PPP1R3E: variants seen among roughly 807,000 people sequenced by gnomAD.
The protein encoded by PPP1R3E is protein phosphatase 1 regulatory subunit 3E.
In PPP1R3E, 20 loss-of-function variants were observed where a neutral mutation model predicts 18.5. That is an observed-to-expected ratio of 1.08 (90% CI 0.76 to 1.58). The LOEUF (loss-of-function observed/expected upper bound fraction) is 1.58, where lower values mean the gene tolerates loss of function less well. Among genes scored for constraint, PPP1R3E ranks in the 40% most tolerant of loss-of-function variants. The pLI is 0.00. For synonymous variants in PPP1R3E, 208 were observed against 208.1 expected, an observed-to-expected ratio of 1.00 and a Z score of 0.00; for missense variants, 498 against 460.2, an observed-to-expected ratio of 1.08 and a Z score of -0.75.
intron 1 of PPP1R3E, 70 bp from the exon 2 acceptor site, chr14:23,301,928 G>A: frequency 7.3e-7 from 1 of 1,367,966 alleles, no homozygotes; most frequent in South Asian, 1.6e-5. Context: ...GGCGGTGTCA[G>A]AGCAAGGCAC....
chr14:23,301,814 G>T lies in PPP1R3E; in HGVS notation c.462C>A (p.Ala154=). The change falls in exon 2 of 5, where the codon GCC becomes GCA. Residue 154 remains alanine, a synonymous_variant. Coordinates refer to ENST00000452015, the MANE Select transcript of PPP1R3E (RefSeq NM_001276318.2). The part of the protein sequence containing the change: ...ALEPASEPGF[A]ARLLTQRICL... ...AGATGCGCTGCGTCAGCAAGCGGGC[G>T]GCGAAGCCGGGCTCGCTGGCCGGCT... is the stretch of plus-strand genomic sequence containing the variant. The T allele has an allele frequency of 2.0e-6, 3 of 1,471,300 alleles. No homozygotes were observed. Among genetic ancestry groups the T allele is most frequent in the Non-Finnish European group, 2.7e-6 (3 of 1,119,758 alleles). The allele number at this position is 1,471,300 out of a possible 1,614,324, so 91.1% of individuals were successfully genotyped here. A position where few individuals can be genotyped will look rare whatever the true frequency, so the allele number is the denominator to read the frequency against.
At chr14:23,299,931 T>TG (rs1487416958) in intron 3 of PPP1R3E, among the ~76,000 whole-genome samples, 32 of 107,784 alleles carry the variant, frequency 3.0e-4, no homozygotes, top group African/African-American at 2.2e-3. Context: ...GTTTTTGTTT[T>TG]TTTTTTTTTT....
chr14:23,302,726 G>A lies in PPP1R3E; in HGVS notation c.-150C>T, dbSNP rs1887082552. On this transcript the variant is annotated 5_prime_UTR_variant, in exon 1 of 5. Coordinates refer to ENST00000452015, the MANE Select transcript of PPP1R3E (RefSeq NM_001276318.2). ...GTATTCTCCTTGCAGACACCTCCAG[G>A]ATCCTCCACCTCCCGTTGCTTTGCC... The A allele has an allele frequency of 1.3e-6, 1 of 771,824 alleles. No individual in the cohort carries two copies. The highest frequency in any genetic ancestry group is 1.9e-6 in the Non-Finnish European group (1 of 523,740). 47.8% of individuals were successfully genotyped at this position (771,824 alleles called of 1,614,324 possible).
chr14:23,302,451 T>C lies in PPP1R3E; in HGVS notation c.126A>G (p.Pro42=). The C allele has an allele frequency of 6.6e-7, 1 of 1,507,188 alleles. No homozygotes were observed. Among genetic ancestry groups the C allele is most frequent in the Admixed American group, 2.1e-5 (1 of 46,872 alleles). 93.4% of individuals were successfully genotyped at this position (1,507,188 alleles called of 1,614,324 possible). The change falls in exon 1 of 5, where the codon CCA becomes CCG. Residue 42 remains proline (P), a synonymous_variant. Transcript: ENST00000452015. The part of the protein sequence containing the change: ...PSLEEEPEEE[P]GEGGTRFGAR... Reference sequence around the variant, plus strand: ...CCCCGAACCGCGTCCCGCCCTCGCCTGGCTCCTCCTCCGGCTCCTCCTCGA... The same window carrying C: ...CCCCGAACCGCGTCCCGCCCTCGCCCGGCTCCTCCTCCGGCTCCTCCTCGA...
chr14:23,301,471 C>T lies in PPP1R3E; in HGVS notation c.805G>A (p.Ala269Thr). 1.4e-6 allele frequency: 2 copies of T among 1,464,472 alleles called. No individual in the cohort carries two copies. The highest frequency in any genetic ancestry group is 1.8e-6 in the Non-Finnish European group (2 of 1,112,064). The allele number at this position is 1,464,472 out of a possible 1,614,324, so 90.7% of individuals were successfully genotyped here. A position where few individuals can be genotyped will look rare whatever the true frequency, so the allele number is the denominator to read the frequency against. ...RGPEHPGSGGAPEPQGWIHFI is the reference protein window; with the variant it reads ...RGPEHPGSGGTPEPQGWIHFI ...TGGATCCAGCCCTGCGGCTCCGGAGCTCCGCCACTGCCCGGGTGCTCGGGC... is the reference window on the plus strand; with the variant it reads ...TGGATCCAGCCCTGCGGCTCCGGAGTTCCGCCACTGCCCGGGTGCTCGGGC... The change falls in exon 2 of 5, where the codon GCT becomes ACT. Residue 269 changes from alanine to threonine, a missense_variant. Coordinates refer to ENST00000452015, the MANE Select transcript of PPP1R3E (RefSeq NM_001276318.2).
chr14:23,301,789 A>AAGCGGGC lies in PPP1R3E; in HGVS notation c.486_487insGCCCGCT (p.Cys163AlafsTer95). 8 of 1,469,122 alleles carry AAGCGGGC rather than the reference A, an allele frequency of 5.4e-6. No homozygotes were observed. Among genetic ancestry groups the AAGCGGGC allele is most frequent in the Non-Finnish European group, 7.2e-6 (8 of 1,118,420 alleles). The allele number at this position is 1,469,122 out of a possible 1,614,324, so 91.0% of individuals were successfully genotyped here. ...GGGCCCGCCTCGGCGCGTTCCAGGC[A>AAGCGGGC]GATGCGCTGCGTCAGCAAGCGGGCG... is the stretch of plus-strand genomic sequence containing the variant. On this transcript the variant is annotated frameshift_variant, in exon 2 of 5. Transcript: ENST00000452015. LOFTEE classifies it high-confidence loss of function.
At chr14:23,299,927 G>GTTTT (rs3079707) in intron 3 of PPP1R3E, among the ~76,000 whole-genome samples, 21,096 of 99,136 alleles carry the variant, frequency 0.21, 2,776 homozygotes, top group South Asian at 0.23. Context: ...TTTTGTTTTT[G>GTTTT]TTTTTTTTTT....
chr14:23,301,388 C>A lies in PPP1R3E; in HGVS notation c.*48G>T. The A allele has an allele frequency of 7.6e-7, 1 of 1,320,736 alleles. No homozygotes were observed. Among genetic ancestry groups the A allele is most frequent in the Non-Finnish European group, 9.7e-7 (1 of 1,033,780 alleles). The allele number at this position is 1,320,736 out of a possible 1,614,324, so 81.8% of individuals were successfully genotyped here. ...TCCCCGCCACATCGGGTCGCCCCGC[C>A]CCCGGGTGCCTTTGGTGTTTTCCGC... is the stretch of plus-strand genomic sequence containing the variant. On this transcript the variant is annotated 3_prime_UTR_variant, in exon 2 of 5. Transcript: ENST00000452015.
intron 3 of PPP1R3E, 53 bp downstream of exon 3, chr14:23,300,705 G>A (rs2138410044): frequency 6.6e-6 from 1 of 152,296 alleles, no homozygotes; most frequent in South Asian, 2.1e-4. Context: ...GAGTTGCTTT[G>A]GCCTCCGTTT....
In PPP1R3E at chr14:23,302,497, T is replaced by C. The variant is rs1731175302; in HGVS notation, c.80A>G (p.Tyr27Cys). The change falls in exon 1 of 5, where the codon TAC (tyrosine) becomes TGC (cysteine). Residue 27 changes from tyrosine (Y) to cysteine (C), a missense_variant. By Grantham distance (194) the Tyr-to-Cys change is radical. Transcript: ENST00000452015. The stretch of plus-strand genomic sequence containing the variant: ...CTCGAGGCTGGGCCGCTGGCTACGG[T>C]AGTAGGCGCGCTCCGTTAGCGCGGC... Reference protein sequence around the residue: ...FIAALTERAYYRSQRPSLEEE... With the variant: ...FIAALTERAYCRSQRPSLEEE... 2.0e-6 allele frequency: 3 copies of C among 1,503,782 alleles called. No individual in the cohort carries two copies. Among genetic ancestry groups the C allele is most frequent in the Non-Finnish European group, 2.6e-6 (3 of 1,135,068 alleles). The allele number at this position is 1,503,782 out of a possible 1,614,324, so 93.2% of individuals were successfully genotyped here.
In PPP1R3E at chr14:23,301,588, T is replaced by G; in HGVS notation, c.688A>C (p.Ile230Leu). The change falls in exon 2 of 5, where the codon ATT (isoleucine) becomes CTT (leucine). Residue 230 changes from isoleucine to leucine, a missense_variant. Physicochemically the swap from Ile to Leu is conservative, Grantham distance 5. Transcript: ENST00000452015. Reference protein sequence around the residue: ...RFAFRLPAPPIGGALLFALRY... With the variant: ...RFAFRLPAPPLGGALLFALRY... ...AAGGCGAAGAGCAGGGCGCCCCCAA[T>G]CGGCGGCGCGGGCAGGCGGAAGGCG... The G allele has an allele frequency of 2.1e-6, 3 of 1,444,568 alleles. No homozygotes were observed. The highest frequency in any genetic ancestry group is 2.7e-6 in the Non-Finnish European group (3 of 1,100,078). The allele number at this position is 1,444,568 out of a possible 1,614,324, so 89.5% of individuals were successfully genotyped here. A position where few individuals can be genotyped will look rare whatever the true frequency, so the allele number is the denominator to read the frequency against.
rs1158012104 is a variant in PPP1R3E at position 23,295,948 on chromosome 14, T to C, written c.*3356A>G. 6.5e-6 allele frequency: 1 copy of C among 152,982 alleles called. No homozygotes were observed. The highest frequency in any genetic ancestry group is 2.4e-5 in the African/African-American group (1 of 41,418). 9.5% of individuals were successfully genotyped at this position (152,982 alleles called of 1,614,324 possible). ...TTTCATATTTCAACTTTATTTAAAATATGAGGTTTTATGTCCAGAAGGGAG... is the reference window on the plus strand; with the variant it reads ...TTTCATATTTCAACTTTATTTAAAACATGAGGTTTTATGTCCAGAAGGGAG... On this transcript the variant is annotated 3_prime_UTR_variant, in exon 5 of 5. Coordinates refer to ENST00000452015, the MANE Select transcript of PPP1R3E (RefSeq NM_001276318.2).
At chr14:23,301,974 G>T in intron 1 of PPP1R3E, 116 bp from the exon 2 acceptor site, 8 of 1,270,630 alleles carry the variant, frequency 6.3e-6, no homozygotes, top group Non-Finnish European at 8.2e-6. Flanking sequence ...CGTCCAGGCC[G>T]GCAGAGTGCG....
Position 23,302,650 on chromosome 14 carries a change from C to A in PPP1R3E, c.-74G>T. Reference sequence around the variant, plus strand: ...CTCTCTTCCTCTCTCCCGCCCGCCCCGCGTCAGCGCAGAAGTCGCTGGGTC... The same window carrying A: ...CTCTCTTCCTCTCTCCCGCCCGCCCAGCGTCAGCGCAGAAGTCGCTGGGTC... On this transcript the variant is annotated 5_prime_UTR_variant, in exon 1 of 5. Coordinates refer to ENST00000452015, the MANE Select transcript of PPP1R3E (RefSeq NM_001276318.2). 7.3e-7 allele frequency: 1 copy of A among 1,360,622 alleles called. No individual in the cohort carries two copies. 84.3% of individuals were successfully genotyped at this position (1,360,622 alleles called of 1,614,324 possible).
chr14:23,301,974 G>C (rs929567100), intron 1 of PPP1R3E, 116 bp from the exon 2 acceptor site: 2 of 1,270,516 alleles, frequency 1.6e-6, no homozygotes, highest in East Asian at 3.1e-5. Flanking sequence ...CGTCCAGGCC[G>C]GCAGAGTGCG....
At chr14:23,300,089 C>G (rs1276036903) in intron 3 of PPP1R3E, 1 of 151,948 alleles carries the variant, frequency 6.6e-6, no homozygotes, top group African/African-American at 2.4e-5. Flanking sequence ...TCATTTCCAC[C>G]AACAGAGATG....
In PPP1R3E at chr14:23,299,451, TTCTC is replaced by T. The variant is rs975648458; in HGVS notation, c.*332_*335del. Reference sequence around the variant, plus strand: ...CATCAGGAACTGCTTCTTTTCCTCCTTCTCTCTTCTAGAAGACTGTCAAGGAGCC... The same window carrying T: ...CATCAGGAACTGCTTCTTTTCCTCCTTCTTCTAGAAGACTGTCAAGGAGCC... On this transcript the variant is annotated 3_prime_UTR_variant, in exon 4 of 5. Coordinates refer to ENST00000452015, the MANE Select transcript of PPP1R3E (RefSeq NM_001276318.2). 2.6e-5 allele frequency: 4 copies of T among 154,170 alleles called. No individual in the cohort carries two copies. The highest frequency in any genetic ancestry group is 9.6e-5 in the African/African-American group (4 of 41,494). 9.6% of individuals were successfully genotyped at this position (154,170 alleles called of 1,614,324 possible). A position where few individuals can be genotyped will look rare whatever the true frequency, so the allele number is the denominator to read the frequency against.
chr14:23,302,337 A>G lies in PPP1R3E; in HGVS notation c.240T>C (p.Arg80=), dbSNP rs1043288800. 16 of 1,506,362 alleles carry G rather than the reference A, an allele frequency of 1.1e-5. No homozygotes were observed. In the African/African-American group the frequency reaches 2.2e-4, roughly 20 times the overall value. The allele number at this position is 1,506,362 out of a possible 1,614,324, so 93.3% of individuals were successfully genotyped here. ...GGGGARAPRS[R]SPDTRKRVRF... ...GCACTCTCTTGCGGGTGTCTGGGCT[A>G]CGGCTGCGGGGCGCCCGGGCCCCGC... is the stretch of plus-strand genomic sequence containing the variant. The change falls in exon 1 of 5, where the codon CGT becomes CGC. Residue 80 remains arginine (R), a synonymous_variant. Coordinates refer to ENST00000452015, the MANE Select transcript of PPP1R3E (RefSeq NM_001276318.2).
chr14:23,301,973 C>G (rs920884510), intron 1 of PPP1R3E, 115 bp from the exon 2 acceptor site: 20 of 1,269,428 alleles, frequency 1.6e-5, no homozygotes, highest in African/African-American at 4.8e-5. Context: ...GCGTCCAGGC[C>G]GGCAGAGTGC....
Sources: gnomAD v4.1 joint callset for allele counts (sites outside exome capture counted in the v4.1 genomes callset) on GRCh38, gnomAD v4.1.1 for gene constraint, MANE v1.5 for transcripts, NCBI Gene and HGNC (gene_info 2026-07-23, HGNC 2026-07-21) for gene names.